CLOCK: variants seen among roughly 807,000 people sequenced by gnomAD.
The protein encoded by CLOCK is clock circadian regulator.
CLOCK carries 43 observed loss-of-function variants against 118.4 expected under a neutral mutation model. The observed-to-expected ratio is 0.36, with a 90% CI of 0.28 to 0.47. CLOCK has a LOEUF of 0.47. Ranked by LOEUF, CLOCK falls within the 20% of genes least tolerant of loss-of-function variation. The pLI is 1.00. For missense variants in CLOCK, 846 were observed against 999.9 expected, an observed-to-expected ratio of 0.85 and a Z score of 2.08; for synonymous variants, 326 against 339.2, an observed-to-expected ratio of 0.96 and a Z score of 0.43.
At chr4:55,484,990 G>T (rs1414626209) in intron 3 of CLOCK, among the ~76,000 whole-genome samples, 2 of 151,876 alleles carry the variant, frequency 1.3e-5, no homozygotes, top group Non-Finnish European at 2.9e-5. Context: ...TTGAGACAGG[G>T]TCTCCCTCTG....
rs767621413 is a variant in CLOCK at position 55,444,727 on chromosome 4, C to T, written c.1598G>A (p.Arg533Gln). ...MQHLKDQLEQ[R>Q]TRMIEANIHR... is the part of the protein sequence containing the mutation. ...AATATTTGCTTCTATCATGCGTGTC[C>T]GTTGTTCCAATTGGTCTTTCAGATG... Residue 533 changes from arginine (R) to glutamine (Q), a missense_variant, in exon 19 of 23, where the codon CGG becomes CAG. Coordinates refer to ENST00000513440, the MANE Select transcript of CLOCK (RefSeq NM_004898.4). 22 of 1,613,928 alleles carry T rather than the reference C, an allele frequency of 1.4e-5. No homozygotes were observed. The highest frequency in any genetic ancestry group is 1.3e-4 in the East Asian group (6 of 44,866).
intron 2 of CLOCK, among the ~76,000 whole-genome samples, chr4:55,506,165 T>C (rs553156458): frequency 1.4e-3 from 212 of 152,316 alleles, no homozygotes; most frequent in Admixed American, 2.4e-3. Context: ...TTAGCTGTCA[T>C]GTCTACCCAG....
rs781397166 is a variant in CLOCK at position 55,458,944 on chromosome 4, T to C, written c.740A>G (p.Asp247Gly). 1.2e-6 allele frequency: 2 copies of C among 1,613,950 alleles called. No homozygotes were observed. The highest frequency in any genetic ancestry group is 2.2e-5 in the East Asian group (1 of 44,820). The part of the protein sequence containing the change: ...IQRTHRPSYE[D>G]RVCFVATVRL... ...GACAGTAGCTACAAAACAAACTCTA[T>C]CTTCATAAGATGGCCTATGTGTGCG... is the stretch of plus-strand genomic sequence containing the variant. The change falls in exon 11 of 23, where the codon GAT (aspartate) becomes GGT (glycine). Residue 247 changes from aspartate to glycine, a missense_variant. Transcript: ENST00000513440.
chr4:55,500,398 C>T (rs1728357081), intron 2 of CLOCK, among the ~76,000 whole-genome samples: 1 of 152,148 alleles, frequency 6.6e-6, no homozygotes, highest in Admixed American at 6.5e-5. Flanking sequence ...GGCTGCAGTG[C>T]AGTGGTGTGA....
rs1299080071 is a variant in CLOCK, at chr4:55,463,682, T to C, written c.559+3A>G. The C allele has an allele frequency of 8.1e-6, 13 of 1,612,910 alleles. No homozygotes were observed. Among genetic ancestry groups the C allele is most frequent in the Non-Finnish European group, 1.1e-5 (13 of 1,179,300 alleles). ...ACTTTTTTGCTTAACAGCTACTACT[T>C]ACATTTTAAATATTCTGGGGTTAAT... On this transcript the variant is annotated splice_donor_region_variant and intron_variant, in intron 9 of 22. Transcript: ENST00000513440.
chr4:55,453,605 C>T (rs1724666566), intron 14 of CLOCK, 72 bp downstream of exon 14: 1 of 1,336,396 alleles, frequency 7.5e-7, no homozygotes, highest in African/African-American at 1.4e-5. Flanking sequence ...ACAACTTACG[C>T]ATAAAAGTTA....
intron 2 of CLOCK, among the ~76,000 whole-genome samples, chr4:55,505,040 G>A (rs898085265): frequency 3.3e-5 from 5 of 151,612 alleles, no homozygotes; most frequent in Non-Finnish European, 5.9e-5. Context: ...AAAATTAGCC[G>A]GGTATGGTGG....
At chr4:55,494,714 AATG>A (rs559659465) in intron 2 of CLOCK, among the ~76,000 whole-genome samples, 2 of 152,252 alleles carry the variant, frequency 1.3e-5, no homozygotes, top group South Asian at 4.2e-4. Context: ...AACCTACTGA[AATG>A]ATAATTCTTT....
chr4:55,440,086 T>C (rs1723235559), intron 21 of CLOCK, among the ~76,000 whole-genome samples: 1 of 152,180 alleles, frequency 6.6e-6, no homozygotes, highest in Non-Finnish European at 1.5e-5. Context: ...GGGTGTCAGA[T>C]ATATGTGGCA....
chr4:55,469,314 C>T (rs1204004336), intron 8 of CLOCK, among the ~76,000 whole-genome samples: 3 of 152,120 alleles, frequency 2.0e-5, no homozygotes, highest in Admixed American at 2.0e-4. Flanking sequence ...AGGCTGGTCT[C>T]AAACTCTCAA....
intron 2 of CLOCK, among the ~76,000 whole-genome samples, chr4:55,497,386 C>A (rs1189647025): frequency 6.6e-6 from 1 of 152,152 alleles, no homozygotes; most frequent in Non-Finnish European, 1.5e-5. Context: ...TGATTAGCAA[C>A]CTTAATTATT....
chr4:55,546,486 T>C (rs1731643104), intron 1 of CLOCK: 1 of 140,298 alleles, frequency 7.1e-6, no homozygotes, highest in Non-Finnish European at 1.5e-5. Flanking sequence ...CCTCACCGTG[T>C]GGCTTGCGGC....
At chr4:55,508,993 T>A (rs1037840847) in intron 2 of CLOCK, among the ~76,000 whole-genome samples, 1 of 152,200 alleles carries the variant, frequency 6.6e-6, no homozygotes, top group Non-Finnish European at 1.5e-5. Flanking sequence ...ACCTAGACGA[T>A]CTGGAATAGC....
At chr4:55,437,254 A>G (rs191071480) in intron 22 of CLOCK, among the ~76,000 whole-genome samples, 4 of 152,312 alleles carry the variant, frequency 2.6e-5, no homozygotes, top group Non-Finnish European at 4.4e-5. Context: ...ATGCCTGAAT[A>G]TAGAGTACAA....
At chr4:55,499,283 T>C (rs1728278729) in intron 2 of CLOCK, among the ~76,000 whole-genome samples, 1 of 152,178 alleles carries the variant, frequency 6.6e-6, no homozygotes, top group South Asian at 2.1e-4. Context: ...GTTATGAGAT[T>C]CTAGGTTCCA....
In CLOCK at chr4:55,449,483, C is replaced by T. The variant is rs1219587099; in HGVS notation, c.1362G>A (p.Lys454=). The T allele has an allele frequency of 6.2e-7, 1 of 1,613,946 alleles. No individual in the cohort carries two copies. The highest frequency in any genetic ancestry group is 1.1e-5 in the South Asian group (1 of 91,082). Reference sequence around the variant, plus strand: ...GTGGAGTGCTCGTATCCGTCGGGATCTTGGTTGGTGTTGCTGAAGTCAACA... The same window carrying T: ...GTGGAGTGCTCGTATCCGTCGGGATTTTGGTTGGTGTTGCTGAAGTCAACA... The part of the protein sequence containing the change: ...AVSDPSSTPT[K]IPTDTSTPPR... The change falls in exon 17 of 23, where the codon AAG becomes AAA. Residue 454 remains lysine, a synonymous_variant. Transcript: ENST00000513440.
chr4:55,441,186 G>A (rs1236290500), intron 21 of CLOCK, among the ~76,000 whole-genome samples: 1 of 152,154 alleles, frequency 6.6e-6, no homozygotes, highest in Admixed American at 6.5e-5. Flanking sequence ...AAAGATAGAT[G>A]TTCAGGGAAA....
Position 55,543,020 on chromosome 4 carries a change from C to G in CLOCK, c.-290+3762G>C, listed in dbSNP as rs189294815. Among the ~76,000 whole-genome samples, 407 of 152,122 alleles carry G rather than the reference C, an allele frequency of 2.7e-3. 1 individual carries two copies. The highest frequency in any genetic ancestry group is 9.3e-3 in the African/African-American group (384 of 41,496). On this transcript the variant is annotated intron_variant, in intron 1 of 22. Coordinates refer to ENST00000513440, the MANE Select transcript of CLOCK (RefSeq NM_004898.4). ...GGCTGAACTCCTGGGTTCAAGTGAT[C>G]CCTCCACCTCAGCCTCCCAATTAGC...
intron 21 of CLOCK, among the ~76,000 whole-genome samples, chr4:55,439,297 C>G (rs1482566970): frequency 1.3e-5 from 2 of 152,118 alleles, no homozygotes; most frequent in Non-Finnish European, 1.5e-5. Flanking sequence ...AAATACAAAT[C>G]AAAACCACAA....
Sources: gnomAD v4.1 joint callset for allele counts (sites outside exome capture counted in the v4.1 genomes callset) on GRCh38, gnomAD v4.1.1 for gene constraint, MANE v1.5 for transcripts, NCBI Gene and HGNC (gene_info 2026-07-23, HGNC 2026-07-21) for gene names.